Variants in PLCH1 observed in about 807,000 individuals in gnomAD.
PLCH1 encodes phospholipase C eta 1.
A neutral mutation model predicts 126.7 loss-of-function variants in PLCH1; 60 were observed. That is an observed-to-expected ratio of 0.47 (90% CI 0.38 to 0.59). PLCH1 has a LOEUF of 0.59. PLCH1 is among the 20% of genes least tolerant of loss of function. The pLI is 0.00. For missense variants in PLCH1, 1,723 were observed against 2,040.0 expected, an observed-to-expected ratio of 0.84 and a Z score of 2.99; for synonymous variants, 719 against 734.9, an observed-to-expected ratio of 0.98 and a Z score of 0.35.
intron 2 of PLCH1, among the ~76,000 whole-genome samples, chr3:155,699,153 G>A (rs1183429875): frequency 6.6e-6 from 1 of 150,988 alleles, no homozygotes; most frequent in Non-Finnish European, 1.5e-5. Flanking sequence ...TCGGCTCACT[G>A]CAACCTCCAC....
chr3:155,586,090 C>T lies in PLCH1; in HGVS notation c.575G>A (p.Arg192Gln), dbSNP rs775027679. Residue 192 changes from arginine to glutamine, a missense_variant, in exon 5 of 23, where the codon CGA becomes CAA. By Grantham distance (43) the Arg-to-Gln change is conservative. Coordinates refer to ENST00000460012, the MANE Select transcript of PLCH1 (RefSeq NM_014996.4). ...CTGAAACATTTGTCTGACTTTTCTT[C>T]GGGGCAGATTAACATTCAGTTTATG... ...LMHKLNVNLP[R>Q]RKVRQMFQEA... 22 of 1,613,846 alleles carry T rather than the reference C, an allele frequency of 1.4e-5. No individual in the cohort carries two copies. Among genetic ancestry groups the T allele is most frequent in the East Asian group, 2.2e-5 (1 of 44,890 alleles).
chr3:155,554,066 C>T lies in PLCH1; in HGVS notation c.1190+10G>A. On this transcript the variant is annotated intron_variant, in intron 9 of 22. Transcript: ENST00000460012. Reference sequence around the variant, plus strand: ...GCTACCGCTTAGCTCACAGGTGCTGCTTTACTTACTCATTCTTCACAAAGG... The same window carrying T: ...GCTACCGCTTAGCTCACAGGTGCTGTTTTACTTACTCATTCTTCACAAAGG... 1 of 1,613,218 alleles carries T rather than the reference C, an allele frequency of 6.2e-7. No individual in the cohort carries two copies. The highest frequency in any genetic ancestry group is 8.5e-7 in the Non-Finnish European group (1 of 1,179,498).
chr3:155,472,472 G>T (rs1331320911), intron 21 of PLCH1, among the ~76,000 whole-genome samples: 1 of 151,778 alleles, frequency 6.6e-6, no homozygotes, highest in Non-Finnish European at 1.5e-5. Flanking sequence ...GGACCAGATG[G>T]ATTCACAGCC....
chr3:155,460,185 G>A (rs749849637), intron 21 of PLCH1, among the ~76,000 whole-genome samples: 1 of 152,172 alleles, frequency 6.6e-6, no homozygotes, highest in African/African-American at 2.4e-5. Context: ...CTAGATCTAA[G>A]TCAGCTCACA....
intron 10 of PLCH1, among the ~76,000 whole-genome samples, chr3:155,524,824 C>T (rs1721692058): frequency 1.3e-5 from 2 of 151,954 alleles, no homozygotes; most frequent in Admixed American, 1.3e-4. Context: ...CAAGACCAGC[C>T]TAGGCAAAAA....
chr3:155,504,046 G>GGAA (rs1718301730), intron 13 of PLCH1, among the ~76,000 whole-genome samples: 1 of 152,050 alleles, frequency 6.6e-6, no homozygotes. Flanking sequence ...GGGCATATAT[G>GGAA]GAATCACATA....
At chr3:155,492,475 C>T (rs1439769362) in intron 18 of PLCH1, among the ~76,000 whole-genome samples, 2 of 152,076 alleles carry the variant, frequency 1.3e-5, no homozygotes, top group Non-Finnish European at 2.9e-5. Context: ...CTTTGCACTC[C>T]AATTTTAGCA....
intron 10 of PLCH1, among the ~76,000 whole-genome samples, chr3:155,542,633 C>T (rs533168): frequency 0.81 from 123,517 of 152,036 alleles, 51,992 homozygotes; most frequent in Middle Eastern, 0.95. Context: ...CTGGGAGGCA[C>T]CCCCCAGTAG....
chr3:155,522,414 T>C (rs1721223855), intron 11 of PLCH1, among the ~76,000 whole-genome samples: 1 of 152,232 alleles, frequency 6.6e-6, no homozygotes, highest in African/African-American at 2.4e-5. Context: ...TTAATTTTGC[T>C]AACATAAACT....
In PLCH1 at chr3:155,514,770, C is replaced by A; in HGVS notation, c.1585G>T (p.Ala529Ser). The A allele has an allele frequency of 1.2e-6, 2 of 1,612,804 alleles. No individual in the cohort carries two copies. Among genetic ancestry groups the A allele is most frequent in the Non-Finnish European group, 8.5e-7 (1 of 1,179,154 alleles). ...CCTTCATGCGTGGCCTTCAGTAGTG[C>A]CCGCACTGTGAAACTATCAGGATCT... ...KEDPDSFTVR[A>S]LLKATHEGLN... Residue 529 changes from alanine to serine, a missense_variant, in exon 12 of 23, where the codon GCA becomes TCA. Ala to Ser is a moderately conservative substitution (Grantham distance 99). This residue lies in a region of PLCH1 where 776 missense variants were observed against 1,062.9 expected (regional missense o/e 0.73). Transcript: ENST00000460012.
chr3:155,611,339 G>A (rs979018500), intron 2 of PLCH1, among the ~76,000 whole-genome samples: 2 of 151,972 alleles, frequency 1.3e-5, no homozygotes, highest in East Asian at 1.9e-4. Context: ...GCAGTGAGCC[G>A]AGATCAGGCC....
chr3:155,645,310 A>G (rs1739890071), intron 2 of PLCH1, among the ~76,000 whole-genome samples: 1 of 152,194 alleles, frequency 6.6e-6, no homozygotes, highest in Non-Finnish European at 1.5e-5. Flanking sequence ...CCCAGTCTCA[A>G]TCAATCCTCC....
rs374422972 is a variant in PLCH1 at position 155,504,597 on chromosome 3, T to G, written c.1662A>C (p.Lys554Asn). 1.5e-5 allele frequency: 24 copies of G among 1,607,798 alleles called. No individual in the cohort carries two copies. Among genetic ancestry groups the G allele is most frequent in the Non-Finnish European group, 2.0e-5 (23 of 1,174,322 alleles). The change falls in exon 13 of 23, where the codon AAA becomes AAC. Residue 554 changes from lysine (K) to asparagine (N), a missense_variant. By Grantham distance (94) the Lys-to-Asn change is moderately conservative (BLOSUM62 0). Around this residue, in one of 2 missense-constraint regions of PLCH1, gnomAD observed 776 missense variants for 1,062.9 expected, o/e 0.73. Transcript: ENST00000460012. ...TGGTCATGAGGGATCGTCCATGTGA[T>G]TTCTTTCCACTTTCCTTTACATCTG... ...QSPDVKESGK[K>N]SHGRSLMTNF... is the part of the protein sequence containing the mutation.
At chr3:155,513,786 G>C (rs1305275090) in intron 12 of PLCH1, among the ~76,000 whole-genome samples, 1 of 152,152 alleles carries the variant, frequency 6.6e-6, no homozygotes, top group East Asian at 1.9e-4. Context: ...GAGCTTCAGA[G>C]GTAAGTTCTC....
intron 21 of PLCH1, among the ~76,000 whole-genome samples, chr3:155,469,643 A>G (rs542073976): frequency 1.3e-5 from 2 of 152,254 alleles, no homozygotes; most frequent in Non-Finnish European, 1.5e-5. Flanking sequence ...AAACAAAAAG[A>G]CAGCAGTAAC....
Position 155,490,806 on chromosome 3 carries a change from T to G in PLCH1, c.2370A>C (p.Gln790His). 1 of 1,590,234 alleles carries G rather than the reference T, an allele frequency of 6.3e-7. No homozygotes were observed. Among genetic ancestry groups the G allele is most frequent in the Non-Finnish European group, 8.6e-7 (1 of 1,158,584 alleles). Residue 790 changes from glutamine to histidine, a missense_variant, in exon 19 of 23, where the codon CAA becomes CAC. Transcript: ENST00000460012. Reference protein sequence around the residue: ...IGLPVDCCKDQTRVVDDNGFN... With the variant: ...IGLPVDCCKDHTRVVDDNGFN... ...TACCATTGTCATCTACCACACGGGT[T>G]TGATCTTTACAACAATCTACTGGCA...
intron 2 of PLCH1, among the ~76,000 whole-genome samples, chr3:155,694,830 G>A (rs1233923388): frequency 6.6e-6 from 1 of 152,006 alleles, no homozygotes; most frequent in African/African-American, 2.4e-5. Context: ...TTTCTTGTTT[G>A]TGAAGCTGAA....
At position 155,643,240 on chromosome 3, in the gene PLCH1, A is replaced by G. The variant is rs527271922; in HGVS notation, c.80-46862T>C. ...CTGGGATTACAGACATGAGCCACCA[A>G]ACCTGGCCCCAACTTGGTTACTTAG... On this transcript the variant is annotated intron_variant, in intron 2 of 22. Transcript: ENST00000460012. Among the ~76,000 whole-genome samples, 118 of 152,166 alleles carry G rather than the reference A, an allele frequency of 7.8e-4. 2 individuals are homozygous for G. The highest frequency in any genetic ancestry group is 1.8e-4 in the Non-Finnish European group (12 of 67,986).
At chr3:155,530,389 G>T (rs560146000) in intron 10 of PLCH1, among the ~76,000 whole-genome samples, 1 of 149,574 alleles carries the variant, frequency 6.7e-6, no homozygotes, top group Non-Finnish European at 1.5e-5. Flanking sequence ...GCAGTGGTGC[G>T]ATCTGCAAGC....
Sources: allele counts gnomAD v4.1 joint callset (sites outside exome capture counted in the v4.1 genomes callset), GRCh38; gene constraint gnomAD v4.1.1; regional missense constraint gnomAD v4.1.1; transcripts MANE v1.5; gene names NCBI Gene and HGNC (gene_info 2026-07-23, HGNC 2026-07-21).